PRH1: variants seen among roughly 807,000 people sequenced by gnomAD.
PRH1 encodes the protein proline rich protein HaeIII subfamily 1.
PRH1 carries 7 observed loss-of-function variants against 7.9 expected under a neutral mutation model. That is an observed-to-expected ratio of 0.89 (90% CI 0.50 to 1.67). The LOEUF is 1.67. PRH1 is among the 40% of genes most tolerant of loss of function. The probability of loss-of-function intolerance (pLI) is 0.00; values close to 1 mark genes in which losing one functional copy is unlikely to be tolerated. For synonymous variants in PRH1, 45 were observed against 80.8 expected (o/e 0.56, Z 2.38); for missense variants, 109 against 223.6 (o/e 0.49, Z 3.27).
Position 11,002,190 on chromosome 12 carries a change from C to G in PRH1, c.-125-28469G>C, listed in dbSNP as rs148838856. 2.7e-3 allele frequency among the ~76,000 whole-genome samples: 411 copies of G among 152,062 alleles called. 3 individuals are homozygous for G. Among genetic ancestry groups the G allele is most frequent in the Middle Eastern group, 0.02 (6 of 294 alleles). ...ATCCAAATTATTTATGTAAACATTT[C>G]AAAAATAAATCATTTAATGAGATAG... On this transcript the variant is annotated intron_variant, in intron 1 of 3. Transcript: ENST00000539853.
At chr12:11,036,948 T>C (rs1449958535) in intron 1 of PRH1, among the ~76,000 whole-genome samples, 2 of 152,232 alleles carry the variant, frequency 1.3e-5, no homozygotes, top group Non-Finnish European at 2.9e-5. Flanking sequence ...ACTACTATTC[T>C]TCCTCATGGC....
At chr12:11,160,914 A>G (rs1029095819) in intron 1 of PRH1, among the ~76,000 whole-genome samples, 1 of 152,254 alleles carries the variant, frequency 6.6e-6, no homozygotes, top group African/African-American at 2.4e-5. Context: ...TCACATTTGT[A>G]TGGCTATTTT....
chr12:10,973,809 C>T (rs1938953289), intron 1 of PRH1: 1 of 702,348 alleles, frequency 1.4e-6, no homozygotes, highest in Admixed American at 2.0e-5. Context: ...AACTAAAATC[C>T]AGCACAAGGA....
At position 11,062,393 on chromosome 12, in the gene PRH1, T is replaced by G; in HGVS notation, n.124-15205A>C. The G allele has an allele frequency of 3.7e-6, 5 of 1,335,136 alleles. No individual in the cohort carries two copies. The Middle Eastern group carries it at 9.5e-4, about 253-fold the overall frequency. The allele number at this position is 1,335,136 out of a possible 1,614,324, so 82.7% of individuals were successfully genotyped here. A position where few individuals can be genotyped will look rare whatever the true frequency, so the allele number is the denominator to read the frequency against. ...CCTTAAATTCTATATGCACCTGATT[T>G]GTGTATGTGCTGTGACATTCTTTTT... On this transcript the variant is annotated intron_variant and non_coding_transcript_variant, in intron 1 of 4. Coordinates refer to the PRH1 transcript ENST00000541977.
At chr12:10,908,946 G>T in intron 2 of PRH1, 2 of 1,613,430 alleles carry the variant, frequency 1.2e-6, no homozygotes, top group Non-Finnish European at 1.7e-6. Flanking sequence ...ATAGAGAAAA[G>T]CAGGGCTAGA....
intron 2 of PRH1, among the ~76,000 whole-genome samples, chr12:10,910,243 A>G (rs1322950489): frequency 6.6e-6 from 1 of 152,184 alleles, no homozygotes; most frequent in East Asian, 1.9e-4. Flanking sequence ...TCACCTACCT[A>G]TGATAAAGTT....
intron 1 of PRH1, among the ~76,000 whole-genome samples, chr12:11,068,568 T>A (rs1943922005): frequency 6.6e-6 from 1 of 152,210 alleles, no homozygotes; most frequent in East Asian, 1.9e-4. Context: ...TAAATTTATA[T>A]TCTTATTTCA....
At chr12:10,927,181 G>C (rs1173912892) in intron 2 of PRH1, among the ~76,000 whole-genome samples, 1 of 152,164 alleles carries the variant, frequency 6.6e-6, no homozygotes, top group Non-Finnish European at 1.5e-5. Context: ...CCTGTACTCT[G>C]CTGCCAAGGA....
intron 2 of PRH1, among the ~76,000 whole-genome samples, chr12:10,919,349 T>C (rs1950014916): frequency 6.6e-6 from 1 of 152,194 alleles, no homozygotes; most frequent in Non-Finnish European, 1.5e-5. Context: ...TATGCCACTC[T>C]TTAAAGAGAA....
chr12:10,979,118 G>A (rs544437604), intron 1 of PRH1, among the ~76,000 whole-genome samples: 1 of 152,216 alleles, frequency 6.6e-6, no homozygotes, highest in Admixed American at 6.5e-5. Flanking sequence ...AGGGCAGGAG[G>A]GGGGTGAGGA....
intron 1 of PRH1, among the ~76,000 whole-genome samples, chr12:10,984,127 C>T (rs1048245236): frequency 6.6e-6 from 1 of 151,832 alleles, no homozygotes; most frequent in African/African-American, 2.4e-5. Flanking sequence ...TATACACTAA[C>T]CAGCTGGAAA....
Position 10,965,103 on chromosome 12 carries a change from T to C in PRH1, c.-59+8552A>G. 4 of 1,296,046 alleles carry C rather than the reference T, an allele frequency of 3.1e-6. No homozygotes were observed. In the Admixed American group the frequency reaches 5.4e-5, roughly 18 times the overall value. The allele number at this position is 1,296,046 out of a possible 1,614,324, so 80.3% of individuals were successfully genotyped here. On this transcript the variant is annotated intron_variant, in intron 2 of 3. Coordinates refer to the PRH1 transcript ENST00000539853. Reference sequence around the variant, plus strand: ...TTGGTTACAGCCCAGGCATTAATAGTAGTAATTCTTACTCCTAAACTATAT... The same window carrying C: ...TTGGTTACAGCCCAGGCATTAATAGCAGTAATTCTTACTCCTAAACTATAT...
At chr12:10,969,948 C>T (rs1938719154) in intron 2 of PRH1, among the ~76,000 whole-genome samples, 1 of 152,086 alleles carries the variant, frequency 6.6e-6, no homozygotes, top group Admixed American at 6.5e-5. Flanking sequence ...TTAAAGGCAT[C>T]CACCACCACA....
chr12:11,001,015 GT>G (rs961683382), intron 1 of PRH1, among the ~76,000 whole-genome samples: 3 of 149,026 alleles, frequency 2.0e-5, no homozygotes, highest in African/African-American at 4.9e-5. Context: ...TTGTTTTTTT[GT>G]TTTTCGTATG....
At position 11,125,534 on chromosome 12, in the gene PRH1, ATC is replaced by A. The variant is rs1946087691; in HGVS notation, n.40-4356_40-4355del. Among the ~76,000 whole-genome samples the A allele has an allele frequency of 3.9e-5, 6 of 152,408 alleles. No individual in the cohort carries two copies. The South Asian group carries it at 1.2e-3, about 32-fold the overall frequency. On this transcript the variant is annotated intron_variant and non_coding_transcript_variant, in intron 1 of 1. Coordinates refer to the PRH1 transcript ENST00000541175. ...ATATGTTTTATGCCTTAACAAAATT[ATC>A]TTTCTACTAATTCTCCTGTAATATT...
chr12:11,061,060 G>A (rs906176642), intron 1 of PRH1, among the ~76,000 whole-genome samples: 6 of 125,094 alleles, frequency 4.8e-5, no homozygotes, highest in African/African-American at 1.6e-4. Flanking sequence ...AAATGAAATA[G>A]GTATGGATTC....
chr12:10,975,512 C>A (rs1177356741), intron 1 of PRH1, among the ~76,000 whole-genome samples: 20 of 152,096 alleles, frequency 1.3e-4, no homozygotes, highest in Non-Finnish European at 2.2e-4. Flanking sequence ...AACCACACAA[C>A]CCAATCTGCA....
chr12:11,141,756 G>C (rs1946709660), intron 1 of PRH1, among the ~76,000 whole-genome samples: 1 of 152,052 alleles, frequency 6.6e-6, no homozygotes, highest in South Asian at 2.1e-4. Flanking sequence ...TGTGTTACTT[G>C]ATACATAAAA....
intron 1 of PRH1, among the ~76,000 whole-genome samples, chr12:11,066,035 T>C (rs9802976): frequency 0.44 from 64,879 of 147,148 alleles, 14,921 homozygotes; most frequent in Non-Finnish European, 0.51. Flanking sequence ...ACTCTGTTTT[T>C]ATTAGCAGAA....
Sources: allele counts gnomAD v4.1 joint callset (sites outside exome capture counted in the v4.1 genomes callset), GRCh38; gene constraint gnomAD v4.1.1; transcripts MANE v1.5; gene names NCBI Gene and HGNC (gene_info 2026-07-23, HGNC 2026-07-21).